Variants in SLC7A9 observed in about 807,000 individuals in gnomAD.
The protein encoded by SLC7A9 is solute carrier family 7 member 9, also known as B(0,+)-type amino acid transporter 1.
In SLC7A9, 38 loss-of-function variants were observed where a neutral mutation model predicts 54.1. The ratio of observed to expected loss-of-function variants is 0.70; its 90% CI spans 0.54 to 0.92. SLC7A9 has a LOEUF of 0.92. Ranked by LOEUF, SLC7A9 falls within the 40% of genes least tolerant of loss-of-function variation. SLC7A9 has a pLI of 0.00. For missense variants in SLC7A9, 537 were observed against 636.1 expected (o/e 0.84, Z 1.68); for synonymous variants, 264 against 258.9 (o/e 1.02, Z -0.19).
chr19:32,855,617 GCGTGAA>G (rs1968603401), intron 9 of SLC7A9, among the ~76,000 whole-genome samples: 1 of 151,792 alleles, frequency 6.6e-6, no homozygotes, highest in African/African-American at 2.4e-5. Flanking sequence ...CAGGAGAATG[GCGTGAA>G]CCTGGGAGGT....
intron 9 of SLC7A9, among the ~76,000 whole-genome samples, chr19:32,848,727 A>G (rs1388730623): frequency 6.6e-6 from 1 of 152,202 alleles, no homozygotes; most frequent in Non-Finnish European, 1.5e-5. Flanking sequence ...TCAACAGAAC[A>G]TACATTTTTT....
Position 32,859,841 on chromosome 19 carries a change from C to A in SLC7A9, c.873G>T (p.Val291=), listed in dbSNP as rs371706017. The change falls in exon 8 of 13, where the codon GTG becomes GTT. Residue 291 remains valine, a splice_region_variant and synonymous_variant. Coordinates refer to ENST00000023064, the MANE Select transcript of SLC7A9 (RefSeq NM_014270.5). ...CCAGCAGCGATGCCCGGGCACTCAC[C>A]ACAGCCACCGCCTGGGACTGCAGGA... The part of the protein sequence containing the change: ...TELLQSQAVA[V]TFGDRVLYPA... 5 of 1,613,550 alleles carry A rather than the reference C, an allele frequency of 3.1e-6. No homozygotes were observed. In the African/African-American group the frequency reaches 5.3e-5, roughly 17 times the overall value.
intron 2 of SLC7A9, among the ~76,000 whole-genome samples, chr19:32,867,218 C>G (rs747016596): frequency 1.3e-5 from 2 of 152,224 alleles, no homozygotes; most frequent in Non-Finnish European, 2.9e-5. Context: ...AACGCCCTCT[C>G]TGGCTGGGCA....
At chr19:32,841,312 A>G (rs981794397) in intron 11 of SLC7A9, among the ~76,000 whole-genome samples, 12 of 152,126 alleles carry the variant, frequency 7.9e-5, no homozygotes, top group Non-Finnish European at 1.2e-4. Context: ...TTATTGGTAT[A>G]TAGATCCACA....
At chr19:32,853,291 G>C (rs947538881) in intron 9 of SLC7A9, among the ~76,000 whole-genome samples, 1 of 152,200 alleles carries the variant, frequency 6.6e-6, no homozygotes, top group Admixed American at 6.6e-5. Flanking sequence ...TGGAGCTGCG[G>C]GTGAAAGCAG....
At chr19:32,838,656 T>C (rs914054085) in intron 11 of SLC7A9, among the ~76,000 whole-genome samples, 1 of 148,274 alleles carries the variant, frequency 6.7e-6, no homozygotes, top group Non-Finnish European at 1.5e-5. Context: ...TATATCCTTA[T>C]ATAATACCCT....
chr19:32,836,336 A>G (rs1328436878), intron 11 of SLC7A9, among the ~76,000 whole-genome samples: 1 of 152,236 alleles, frequency 6.6e-6, no homozygotes. Context: ...GGCGTGAGCC[A>G]CTGCGCCCGG....
At chr19:32,835,279 CT>C (rs1967924851) in intron 11 of SLC7A9, among the ~76,000 whole-genome samples, 1 of 151,932 alleles carries the variant, frequency 6.6e-6, no homozygotes, top group Non-Finnish European at 1.5e-5. Context: ...GTGAAGTTAC[CT>C]TTGTAAGGTT....
chr19:32,860,716 T>C, intron 6 of SLC7A9, 66 bp from the exon 7 acceptor site: 1 of 1,596,522 alleles, frequency 6.3e-7, no homozygotes, highest in East Asian at 2.2e-5. Context: ...AAACCCACAA[T>C]AATAAATGTT....
At chr19:32,851,498 G>C (rs902872497) in intron 9 of SLC7A9, among the ~76,000 whole-genome samples, 5 of 149,182 alleles carry the variant, frequency 3.4e-5, no homozygotes, top group South Asian at 2.1e-4. Context: ...TTAGAATGGC[G>C]ATCATTAAAA....
In SLC7A9 at chr19:32,830,614, A is replaced by AG; in HGVS notation, c.*5dup. ...CAGCTGACTTGGCTACAAGAGACGGAGCTTGTTACTCAGGGTCTTCCTCCG... is the reference window on the plus strand; with the variant it reads ...CAGCTGACTTGGCTACAAGAGACGGAGGCTTGTTACTCAGGGTCTTCCTCCG... On this transcript the variant is annotated 3_prime_UTR_variant, in exon 13 of 13. Transcript: ENST00000023064. 6.2e-7 allele frequency: 1 copy of AG among 1,609,664 alleles called. No individual in the cohort carries two copies. The highest frequency in any genetic ancestry group is 1.3e-5 in the African/African-American group (1 of 74,976).
rs574935149 is a variant in SLC7A9, at chr19:32,830,774, T to G, written c.1400-90A>C. On this transcript the variant is annotated intron_variant, in intron 12 of 12. Coordinates refer to ENST00000023064, the MANE Select transcript of SLC7A9 (RefSeq NM_014270.5). ...GTTGTGGGTGAGGGTGACATTGTTT[T>G]CAGTCTTTGGTGATGCGTCACCTAG... The G allele has an allele frequency of 9.4e-6, 10 of 1,068,782 alleles. No individual in the cohort carries two copies. The South Asian group carries it at 1.1e-4, about 12-fold the overall frequency. 66.2% of individuals were successfully genotyped at this position (1,068,782 alleles called of 1,614,324 possible).
rs1027263612 is a variant in SLC7A9, at chr19:32,868,392, G to A, written c.87+56C>T. On this transcript the variant is annotated intron_variant, in intron 2 of 12. Coordinates refer to ENST00000023064, the MANE Select transcript of SLC7A9 (RefSeq NM_014270.5). The stretch of plus-strand genomic sequence containing the variant: ...CCGGATTTCACTGCCTGCGCCCCTC[G>A]TTCAGACGCCCTTGCCTAACCTGCA... The A allele has an allele frequency of 2.8e-5, 39 of 1,400,394 alleles. 1 individual carries two copies. The highest frequency in any genetic ancestry group is 9.9e-5 in the African/African-American group (7 of 70,644). 86.7% of individuals were successfully genotyped at this position (1,400,394 alleles called of 1,614,324 possible).
intron 9 of SLC7A9, among the ~76,000 whole-genome samples, chr19:32,845,260 C>T (rs555488908): frequency 1.3e-5 from 2 of 152,226 alleles, no homozygotes; most frequent in Admixed American, 6.5e-5. Flanking sequence ...TTTGGGAGGC[C>T]GAGACAGGTG....
At chr19:32,859,796 C>T (rs993660419) in intron 8 of SLC7A9, 45 bp downstream of exon 8, 5 of 1,525,292 alleles carry the variant, frequency 3.3e-6, no homozygotes, top group African/African-American at 2.7e-5. Context: ...CTTACCCCTT[C>T]CCACAAGCCA....
At chr19:32,844,079 C>T (rs1163421466) in intron 9 of SLC7A9, 128 bp from the exon 10 acceptor site, 1 of 722,240 alleles carries the variant, frequency 1.4e-6, no homozygotes. Context: ...TGAGCAGGGA[C>T]CTGAGCTTCA....
rs753692696 is a variant in SLC7A9 at position 32,833,284 on chromosome 19, CAG to C, written c.1262_1263del (p.Ser421CysfsTer66). The stretch of plus-strand genomic sequence containing the variant: ...ATGATTGGAGCCAGAACCAAAAACA[CAG>C]AGATGAGTGTCATCAAGACGGGAAT... ...VVIPVLMTLI[S>X]VFLVLAPIIS... On this transcript the variant is annotated frameshift_variant, in exon 12 of 13. Transcript: ENST00000023064. LOFTEE classifies it high-confidence loss of function. The C allele has an allele frequency of 1.9e-6, 3 of 1,614,146 alleles. No individual in the cohort carries two copies. The highest frequency in any genetic ancestry group is 3.3e-5 in the Admixed American group (2 of 60,012).
chr19:32,864,388 CGGCCCCA>C (rs774910393), intron 3 of SLC7A9, 50 bp from the exon 4 acceptor site: 8 of 1,610,522 alleles, frequency 5.0e-6, no homozygotes, highest in Non-Finnish European at 6.8e-6. Flanking sequence ...GGCACTGCCC[CGGCCCCA>C]GGGAGCCTTC....
intron 11 of SLC7A9, among the ~76,000 whole-genome samples, chr19:32,838,086 C>CA (rs1968016019): frequency 6.6e-6 from 1 of 152,156 alleles, no homozygotes; most frequent in Non-Finnish European, 1.5e-5. Flanking sequence ...GCCTGCACCT[C>CA]ACAGAAGCCA....
Sources: gnomAD v4.1 joint callset for allele counts (sites outside exome capture counted in the v4.1 genomes callset) on GRCh38, gnomAD v4.1.1 for gene constraint, MANE v1.5 for transcripts, NCBI Gene and HGNC (gene_info 2026-07-23, HGNC 2026-07-21) for gene names.